RORA: variants seen among roughly 807,000 people sequenced by gnomAD.
The protein encoded by RORA is RAR related orphan receptor A.
In RORA, 7 loss-of-function variants were observed where a neutral mutation model predicts 69.5. The ratio of observed to expected loss-of-function variants is 0.10; its 90% CI spans 0.06 to 0.19. The LOEUF is 0.19. Ranked by LOEUF, RORA falls within the 10% of genes least tolerant of loss-of-function variation. RORA has a pLI of 1.00. For synonymous variants in RORA, 261 were observed against 240.8 expected (o/e 1.08, Z -0.78); for missense variants, 457 against 663.0 (o/e 0.69, Z 3.41).
In RORA at chr15:60,526,390, G is replaced by A. The variant is rs1024025392; in HGVS notation, c.282+5376C>T. Reference sequence around the variant, plus strand: ...GGACCTGCCCCAAGCCAGGTGCTGTGTCAGGGCCCTATCTACAACATGGCT... The same window carrying A: ...GGACCTGCCCCAAGCCAGGTGCTGTATCAGGGCCCTATCTACAACATGGCT... On this transcript the variant is annotated intron_variant, in intron 3 of 10. Coordinates refer to ENST00000335670, the MANE Select transcript of RORA (RefSeq NM_134261.3). Among the ~76,000 whole-genome samples the A allele has an allele frequency of 5.3e-5, 8 of 152,340 alleles. No individual in the cohort carries two copies. The East Asian group carries it at 1.2e-3, about 22-fold the overall frequency.
At chr15:61,104,404 A>G (rs1422557261) in intron 1 of RORA, among the ~76,000 whole-genome samples, 2 of 152,136 alleles carry the variant, frequency 1.3e-5, no homozygotes, top group Non-Finnish European at 2.9e-5. Context: ...TGCAAACACA[A>G]CAGGAGGATG....
At chr15:60,853,741 T>C (rs1194091611) in intron 1 of RORA, among the ~76,000 whole-genome samples, 2 of 152,148 alleles carry the variant, frequency 1.3e-5, no homozygotes, top group African/African-American at 4.8e-5. Context: ...TTCAGGAGAA[T>C]TTAAATATAG....
intron 2 of RORA, chr15:60,546,230 A>G (rs930097408): frequency 6.6e-6 from 1 of 152,252 alleles, no homozygotes; most frequent in Non-Finnish European, 1.5e-5. Context: ...CAACTAACAG[A>G]TTTCCTAAAC....
intron 1 of RORA, among the ~76,000 whole-genome samples, chr15:61,000,345 T>C (rs1048220388): frequency 6.6e-6 from 1 of 152,218 alleles, no homozygotes; most frequent in East Asian, 1.9e-4. Flanking sequence ...TGGGAACAGA[T>C]TGTTCTACTG....
At chr15:60,505,205 G>C (rs910264670) in intron 6 of RORA, among the ~76,000 whole-genome samples, 2 of 152,074 alleles carry the variant, frequency 1.3e-5, no homozygotes, top group Admixed American at 6.5e-5. Context: ...TTGTGATATT[G>C]AGACAATTCT....
intron 2 of RORA, among the ~76,000 whole-genome samples, chr15:60,620,438 G>C (rs944115190): frequency 2.6e-5 from 4 of 152,172 alleles, no homozygotes; most frequent in Non-Finnish European, 5.9e-5. Flanking sequence ...TAAGTGGTTA[G>C]AACAGTGTCT....
intron 2 of RORA, chr15:60,558,212 T>C: frequency 1.3e-6 from 2 of 1,593,018 alleles, no homozygotes; most frequent in East Asian, 4.5e-5. Context: ...AGGAGGCCTT[T>C]GGATTCACTT....
intron 2 of RORA, among the ~76,000 whole-genome samples, chr15:60,641,114 G>A (rs2069936711): frequency 6.6e-6 from 1 of 152,090 alleles, no homozygotes; most frequent in South Asian, 2.1e-4. Context: ...ACCATGCCCA[G>A]CTAATTTTTT....
At chr15:60,727,443 G>A (rs1004829154) in intron 1 of RORA, among the ~76,000 whole-genome samples, 2 of 152,134 alleles carry the variant, frequency 1.3e-5, no homozygotes, top group Non-Finnish European at 2.9e-5. Flanking sequence ...CAAGGATTCA[G>A]ATGGACTCTG....
intron 1 of RORA, among the ~76,000 whole-genome samples, chr15:61,050,265 C>G (rs1897234473): frequency 6.6e-6 from 1 of 152,222 alleles, no homozygotes; most frequent in African/African-American, 2.4e-5. Context: ...GCACCCGTGG[C>G]TCACAAAGTC....
intron 1 of RORA, among the ~76,000 whole-genome samples, chr15:61,188,912 C>G (rs1464663466): frequency 6.6e-6 from 1 of 152,184 alleles, no homozygotes; most frequent in East Asian, 1.9e-4. Context: ...GCCTTACCCC[C>G]ACTTTCAATA....
intron 1 of RORA, among the ~76,000 whole-genome samples, chr15:61,070,907 C>CA (rs1324731053): frequency 6.6e-6 from 1 of 151,970 alleles, no homozygotes; most frequent in Non-Finnish European, 1.5e-5. Context: ...TTCCAAGTTA[C>CA]AAAAAACTGG....
chr15:60,579,353 C>G (rs566202718), intron 2 of RORA, among the ~76,000 whole-genome samples: 1 of 152,236 alleles, frequency 6.6e-6, no homozygotes, highest in East Asian at 1.9e-4. Context: ...AGGATAGTAT[C>G]TATAAATCCA....
intron 1 of RORA, among the ~76,000 whole-genome samples, chr15:60,737,231 A>G (rs1269457982): frequency 2.6e-5 from 4 of 152,202 alleles, no homozygotes; most frequent in Admixed American, 2.0e-4. Flanking sequence ...TCGTGGTCCA[A>G]CTGCACACAG....
chr15:60,893,071 T>A (rs975733425), intron 1 of RORA, among the ~76,000 whole-genome samples: 1 of 152,208 alleles, frequency 6.6e-6, no homozygotes, highest in Admixed American at 6.5e-5. Flanking sequence ...ACCTTTAAAC[T>A]TCAGTCCAGC....
In RORA at chr15:61,229,122, G is replaced by C. The variant is rs1220593231; in HGVS notation, c.97C>G (p.Gln33Glu). The C allele has an allele frequency of 5.8e-6, 9 of 1,541,808 alleles. No homozygotes were observed. The highest frequency in any genetic ancestry group is 7.9e-6 in the Non-Finnish European group (9 of 1,144,412). Residue 33 changes from glutamine to glutamate, a missense_variant, in exon 1 of 11, where the codon CAG (glutamine) becomes GAG (glutamate). Around this residue, in one of 3 missense-constraint regions of RORA, gnomAD observed 119 missense variants for 92.4 expected, o/e 1.29. Coordinates refer to ENST00000335670, the MANE Select transcript of RORA (RefSeq NM_134261.3). The part of the protein sequence containing the change: ...AAGSRETPLN[Q>E]ESARKSEPPA... ...GGCTCGCTCTTGCGGGCGGATTCCT[G>C]GTTCAGCGGGGTCTCCCTGGAGCCG...
At chr15:60,671,178 A>G (rs1311931154) in intron 2 of RORA, among the ~76,000 whole-genome samples, 1 of 150,768 alleles carries the variant, frequency 6.6e-6, no homozygotes, top group Non-Finnish European at 1.5e-5. Flanking sequence ...GTCCGGAATC[A>G]TAGTACTGCT....
At chr15:60,764,772 C>G (rs373365235) in intron 1 of RORA, 43 of 152,336 alleles carry the variant, frequency 2.8e-4, no homozygotes, top group African/African-American at 1.0e-3. Context: ...AGCTCGGCTT[C>G]GACGCCCCTG....
intron 1 of RORA, among the ~76,000 whole-genome samples, chr15:61,058,970 T>C (rs771485270): frequency 2.0e-5 from 3 of 152,230 alleles, no homozygotes; most frequent in Admixed American, 6.5e-5. Context: ...ATAAAGCATT[T>C]CCACAGGCAT....
Sources: gnomAD v4.1 joint callset for allele counts (sites outside exome capture counted in the v4.1 genomes callset) on GRCh38, gnomAD v4.1.1 for gene constraint, gnomAD v4.1.1 regional missense constraint, MANE v1.5 for transcripts, NCBI Gene and HGNC (gene_info 2026-07-23, HGNC 2026-07-21) for gene names.